PID1: variants seen among roughly 807,000 people sequenced by gnomAD.
PID1 encodes PTB-containing, cubilin and LRP1-interacting protein.
Under a neutral mutation model 19.1 loss-of-function variants are expected in PID1, and 10 were observed. That is an observed-to-expected ratio of 0.52 (90% CI 0.32 to 0.89). The LOEUF (loss-of-function observed/expected upper bound fraction) is 0.89. Ranked by LOEUF, PID1 falls within the 40% of genes least tolerant of loss-of-function variation. PID1 has a pLI of 0.03. For missense variants in PID1, 248 were observed against 285.3 expected, an observed-to-expected ratio of 0.87 and a Z score of 0.94; for synonymous variants, 130 against 116.0, an observed-to-expected ratio of 1.12 and a Z score of -0.78.
intron 2 of PID1, among the ~76,000 whole-genome samples, chr2:229,036,076 G>C (rs1693656363): frequency 1.3e-5 from 2 of 152,180 alleles, no homozygotes; most frequent in Admixed American, 1.3e-4. Context: ...TTACATCTGT[G>C]CTATGCTGGT....
At chr2:229,116,033 C>A (rs1695404403) in intron 2 of PID1, among the ~76,000 whole-genome samples, 1 of 151,990 alleles carries the variant, frequency 6.6e-6, no homozygotes, top group East Asian at 1.9e-4. Context: ...ACCATCCTGG[C>A]TAACACGGTA....
At chr2:229,261,860 G>T (rs1431156903) in intron 1 of PID1, among the ~76,000 whole-genome samples, 1 of 151,302 alleles carries the variant, frequency 6.6e-6, no homozygotes, top group Non-Finnish European at 1.5e-5. Flanking sequence ...AAAAAGACAA[G>T]CTTGCCCAAG....
chr2:229,201,279 G>A (rs114132967), intron 1 of PID1, among the ~76,000 whole-genome samples: 1,757 of 152,010 alleles, frequency 0.012, 25 homozygotes, highest in Middle Eastern at 0.024. Context: ...AAAAACTCCC[G>A]TTTTCTCCCT....
intron 1 of PID1, among the ~76,000 whole-genome samples, chr2:229,165,591 A>G (rs547225658): frequency 1.2e-4 from 18 of 152,248 alleles, no homozygotes; most frequent in South Asian, 6.2e-4. Context: ...AAAATAAAAA[A>G]AAAAATTGTC....
At chr2:229,244,432 G>C (rs1689949847) in intron 1 of PID1, among the ~76,000 whole-genome samples, 1 of 152,106 alleles carries the variant, frequency 6.6e-6, no homozygotes, top group South Asian at 2.1e-4. Context: ...AAGCATGACT[G>C]TTTTCATCAA....
intron 2 of PID1, among the ~76,000 whole-genome samples, chr2:229,093,697 A>C (rs532175775): frequency 2.0e-5 from 3 of 152,248 alleles, no homozygotes; most frequent in Non-Finnish European, 4.4e-5. Context: ...AAAGAAAAAA[A>C]TCATACCATC....
intron 2 of PID1, among the ~76,000 whole-genome samples, chr2:229,092,529 T>G (rs187786468): frequency 2.8e-4 from 42 of 152,288 alleles, no homozygotes; most frequent in Non-Finnish European, 2.9e-5. Flanking sequence ...TAGTCCAAGC[T>G]GAAAGGCAGT....
intron 1 of PID1, among the ~76,000 whole-genome samples, chr2:229,211,671 T>C (rs1034864148): frequency 6.6e-6 from 1 of 152,228 alleles, no homozygotes; most frequent in African/African-American, 2.4e-5. Flanking sequence ...ATGTGATGCA[T>C]GGGCTTTGTG....
At chr2:229,216,780 C>G (rs1574730373) in intron 1 of PID1, among the ~76,000 whole-genome samples, 1 of 152,242 alleles carries the variant, frequency 6.6e-6, no homozygotes, top group Non-Finnish European at 1.5e-5. Flanking sequence ...AAAACAGTGA[C>G]TGTCCCAGAG....
intron 1 of PID1, among the ~76,000 whole-genome samples, chr2:229,164,968 C>T (rs1389564927): frequency 6.6e-6 from 1 of 152,160 alleles, no homozygotes; most frequent in Admixed American, 6.5e-5. Context: ...CAAGGCTGGA[C>T]AACATCCACT....
intron 1 of PID1, among the ~76,000 whole-genome samples, chr2:229,248,838 C>G (rs1328450021): frequency 6.6e-6 from 1 of 152,054 alleles, no homozygotes; most frequent in Non-Finnish European, 1.5e-5. Flanking sequence ...CAATGAAAGC[C>G]AAGGGGCCTT....
At chr2:229,128,039 G>A (rs1419949) in intron 2 of PID1, among the ~76,000 whole-genome samples, 120,739 of 152,080 alleles carry the variant, frequency 0.79, 48,075 homozygotes, top group East Asian at 1. Flanking sequence ...CAGGGAGATG[G>A]CAGGGCTGTG....
chr2:229,038,203 A>G (rs56344175), intron 2 of PID1, among the ~76,000 whole-genome samples: 22,501 of 152,226 alleles, frequency 0.15, 1,774 homozygotes, highest in Non-Finnish European at 0.16. Flanking sequence ...TATATTCTAG[A>G]GAAATGAATA....
chr2:229,228,052 G>A (rs1692119928), intron 1 of PID1: 1 of 455,818 alleles, frequency 2.2e-6, no homozygotes, highest in Non-Finnish European at 4.4e-6. Context: ...GACTGGAGTT[G>A]CAGCAGCCAT....
Position 229,069,649 on chromosome 2 carries a change from G to A in PID1, c.178-43541C>T, listed in dbSNP as rs749663612. The stretch of plus-strand genomic sequence containing the variant: ...GTGTGAAGGCTTCTGTTAGAGCAGC[G>A]GGGGAGAGGATACAGAATTCAGTAA... On this transcript the variant is annotated intron_variant, in intron 2 of 2. Transcript: ENST00000392055. Among the ~76,000 whole-genome samples the A allele has an allele frequency of 3.3e-5, 5 of 152,146 alleles. No individual in the cohort carries two copies. The East Asian group carries it at 5.8e-4, about 18-fold the overall frequency.
At chr2:229,087,829 C>A (rs1659087757) in intron 2 of PID1, among the ~76,000 whole-genome samples, 1 of 152,090 alleles carries the variant, frequency 6.6e-6, no homozygotes. Context: ...TAACCTGTTA[C>A]ATAAATAGAA....
chr2:229,042,184 T>C (rs1009027626), intron 2 of PID1, among the ~76,000 whole-genome samples: 2 of 152,066 alleles, frequency 1.3e-5, no homozygotes, highest in African/African-American at 2.4e-5. Context: ...GAGAAAAAGA[T>C]AGAAATATAC....
At chr2:229,128,773 A>G (rs116658918) in intron 2 of PID1, among the ~76,000 whole-genome samples, 3,280 of 152,298 alleles carry the variant, frequency 0.022, 108 homozygotes, top group African/African-American at 0.075. Context: ...TATCATAAAG[A>G]GATGAATAAA....
At chr2:229,236,073 C>T (rs1421572191) in intron 1 of PID1, among the ~76,000 whole-genome samples, 1 of 152,014 alleles carries the variant, frequency 6.6e-6, no homozygotes. Flanking sequence ...CAGCACATCA[C>T]CCGAAGATGA....
Sources: allele counts gnomAD v4.1 joint callset (sites outside exome capture counted in the v4.1 genomes callset), GRCh38; gene constraint gnomAD v4.1.1; transcripts MANE v1.5; gene names NCBI Gene and HGNC (gene_info 2026-07-23, HGNC 2026-07-21).